Variants in KCNQ3 observed in about 807,000 individuals in gnomAD.
KCNQ3 encodes potassium voltage-gated channel subfamily Q member 3.
A neutral mutation model predicts 92.5 loss-of-function variants in KCNQ3; 30 were observed. That is an observed-to-expected ratio of 0.32 (90% CI 0.24 to 0.44). The LOEUF is 0.44. Ranked by LOEUF, KCNQ3 falls within the 20% of genes least tolerant of loss-of-function variation. The pLI, the probability that KCNQ3 is intolerant of heterozygous loss-of-function variation, is 1.00. For missense variants in KCNQ3, 913 were observed against 1,140.3 expected (o/e 0.80, Z 2.87); for synonymous variants, 450 against 468.8 (o/e 0.96, Z 0.52).
At chr8:132,231,828 T>C (rs552955907) in intron 1 of KCNQ3, among the ~76,000 whole-genome samples, 1 of 152,350 alleles carries the variant, frequency 6.6e-6, no homozygotes, top group South Asian at 2.1e-4. Context: ...GATCATTAGG[T>C]CTTTCCTCGA....
At chr8:132,429,067 A>G (rs1406965279) in intron 1 of KCNQ3, among the ~76,000 whole-genome samples, 1 of 152,220 alleles carries the variant, frequency 6.6e-6, no homozygotes, top group Non-Finnish European at 1.5e-5. Context: ...CAAACTTTGA[A>G]TTAATGCTTT....
chr8:132,376,685 T>G (rs896711872), intron 1 of KCNQ3, among the ~76,000 whole-genome samples: 1 of 152,212 alleles, frequency 6.6e-6, no homozygotes, highest in African/African-American at 2.4e-5. Context: ...TTGCATATCT[T>G]TTGCCACTTG....
intron 9 of KCNQ3, among the ~76,000 whole-genome samples, chr8:132,143,784 G>A (rs1825370780): frequency 6.6e-6 from 1 of 151,610 alleles, no homozygotes; most frequent in African/African-American, 2.4e-5. Flanking sequence ...GTGTGAAAAG[G>A]ATGGATACAA....
intron 1 of KCNQ3, among the ~76,000 whole-genome samples, chr8:132,271,167 C>A (rs1816135970): frequency 6.6e-6 from 1 of 152,246 alleles, no homozygotes. Context: ...CCTTGGGAGT[C>A]TGGGCATCGC....
intron 1 of KCNQ3, among the ~76,000 whole-genome samples, chr8:132,327,693 G>A (rs539952016): frequency 6.6e-6 from 1 of 152,248 alleles, no homozygotes; most frequent in East Asian, 1.9e-4. Context: ...GGGCTCCATG[G>A]GCCTCATCCT....
At chr8:132,315,222 G>A (rs910044769) in intron 1 of KCNQ3, among the ~76,000 whole-genome samples, 5 of 152,104 alleles carry the variant, frequency 3.3e-5, no homozygotes, top group Non-Finnish European at 7.3e-5. Flanking sequence ...TGGGGAAAAC[G>A]AGGGGAAGGA....
chr8:132,479,379 C>A (rs1193325562), intron 1 of KCNQ3, among the ~76,000 whole-genome samples: 1 of 152,148 alleles, frequency 6.6e-6, no homozygotes, highest in Non-Finnish European at 1.5e-5. Flanking sequence ...GCAGCAGCGA[C>A]TGAGGCTGAG....
At chr8:132,327,177 T>G (rs554313861) in intron 1 of KCNQ3, among the ~76,000 whole-genome samples, 29 of 152,372 alleles carry the variant, frequency 1.9e-4, no homozygotes, top group African/African-American at 6.3e-4. Context: ...ATTTGTTCCC[T>G]GTTTTATGGC....
chr8:132,221,588 G>A (rs141742626), intron 1 of KCNQ3, among the ~76,000 whole-genome samples: 6,094 of 152,276 alleles, frequency 0.04, 185 homozygotes, highest in Non-Finnish European at 0.059. Context: ...ATTTTTTCAT[G>A]TGTCTGTTGC....
At chr8:132,374,669 T>C (rs1399492074) in intron 1 of KCNQ3, among the ~76,000 whole-genome samples, 1 of 152,168 alleles carries the variant, frequency 6.6e-6, no homozygotes, top group Non-Finnish European at 1.5e-5. Context: ...TGCTCTTCTC[T>C]CTCCTCCCAG....
intron 1 of KCNQ3, among the ~76,000 whole-genome samples, chr8:132,388,192 G>A (rs1446331799): frequency 1.3e-5 from 2 of 152,134 alleles, no homozygotes; most frequent in Non-Finnish European, 2.9e-5. Context: ...TTTTAAAAAT[G>A]ATCATGCAAA....
At chr8:132,288,419 ACTT>A (rs768764428) in intron 1 of KCNQ3, among the ~76,000 whole-genome samples, 14 of 152,100 alleles carry the variant, frequency 9.2e-5, no homozygotes, top group Non-Finnish European at 1.8e-4. Context: ...TCCTTTAGGA[ACTT>A]CTTCTATATA....
chr8:132,324,167 A>C (rs1391946084), intron 1 of KCNQ3, among the ~76,000 whole-genome samples: 10 of 152,182 alleles, frequency 6.6e-5, no homozygotes, highest in Admixed American at 5.9e-4. Flanking sequence ...TCAAATGTCA[A>C]CTCAATCCCA....
chr8:132,195,382 G>A (rs79608833), intron 1 of KCNQ3, among the ~76,000 whole-genome samples: 3,357 of 152,292 alleles, frequency 0.022, 120 homozygotes, highest in African/African-American at 0.074. Flanking sequence ...GTGAGGCTGC[G>A]TTTCAGGGTC....
intron 1 of KCNQ3, among the ~76,000 whole-genome samples, chr8:132,339,444 C>T (rs1818458024): frequency 6.6e-6 from 1 of 152,146 alleles, no homozygotes; most frequent in Admixed American, 6.5e-5. Context: ...CACCATGTAC[C>T]ATGGTCAGCT....
intron 1 of KCNQ3, among the ~76,000 whole-genome samples, chr8:132,271,487 T>C (rs1312896960): frequency 6.6e-6 from 1 of 152,212 alleles, no homozygotes; most frequent in Non-Finnish European, 1.5e-5. Context: ...CATAGTAGCC[T>C]TGGCTGCCAT....
chr8:132,257,129 T>C (rs1273143447), intron 1 of KCNQ3, among the ~76,000 whole-genome samples: 1 of 152,164 alleles, frequency 6.6e-6, no homozygotes, highest in African/African-American at 2.4e-5. Context: ...TGGAGCTATA[T>C]AGGAGCAAAA....
chr8:132,360,789 G>C (rs1476110360), intron 1 of KCNQ3, among the ~76,000 whole-genome samples: 1 of 152,122 alleles, frequency 6.6e-6, no homozygotes. Flanking sequence ...TGTCTGTTTT[G>C]ATCTTCAGAA....
intron 1 of KCNQ3, among the ~76,000 whole-genome samples, chr8:132,297,791 C>A (rs1361218925): frequency 6.6e-6 from 1 of 152,172 alleles, no homozygotes; most frequent in Non-Finnish European, 1.5e-5. Flanking sequence ...CACCCAGACT[C>A]CCCGGCTCCT....
Sources: allele counts gnomAD v4.1 joint callset (sites outside exome capture counted in the v4.1 genomes callset), GRCh38; gene constraint gnomAD v4.1.1; transcripts MANE v1.5; gene names NCBI Gene and HGNC (gene_info 2026-07-23, HGNC 2026-07-21).